CDK18: variants seen among roughly 807,000 people sequenced by gnomAD.
The protein encoded by CDK18 is cyclin-dependent kinase 18.
A neutral mutation model predicts 62.0 loss-of-function variants in CDK18; 52 were observed. That is an observed-to-expected ratio of 0.84 (90% CI 0.67 to 1.06). The LOEUF is 1.06. Among genes scored for constraint, CDK18 ranks in the 50% least tolerant of loss-of-function variants. CDK18 has a pLI of 0.00. For synonymous variants in CDK18, 237 were observed against 247.0 expected (o/e 0.96, Z 0.38); for missense variants, 604 against 619.9 (o/e 0.97, Z 0.27).
intron 3 of CDK18, 179 bp downstream of exon 3, chr1:205,523,804 T>A: frequency 3.8e-6 from 3 of 788,792 alleles, no homozygotes; most frequent in Non-Finnish European, 6.0e-6. Context: ...TCCTTGTCTT[T>A]AAAATGGTCA....
chr1:205,526,965 G>A (rs1668467842), intron 8 of CDK18, 128 bp downstream of exon 8: 1 of 737,284 alleles, frequency 1.4e-6, no homozygotes, highest in Admixed American at 2.1e-5. Flanking sequence ...GTAGGAAAGA[G>A]GGAGAGGGCA....
intron 1 of CDK18, among the ~76,000 whole-genome samples, chr1:205,507,155 C>T (rs1667346938): frequency 6.6e-6 from 1 of 152,196 alleles, no homozygotes. Flanking sequence ...TACCTGTCCT[C>T]TGATTCCTTC....
intron 1 of CDK18, among the ~76,000 whole-genome samples, chr1:205,506,902 G>A (rs1447063546): frequency 6.6e-6 from 1 of 152,240 alleles, no homozygotes; most frequent in Non-Finnish European, 1.5e-5. Flanking sequence ...GATCTCGTGG[G>A]ATCAGGTTGC....
chr1:205,522,202 T>A (rs1398969614), intron 1 of CDK18, among the ~76,000 whole-genome samples: 1 of 152,088 alleles, frequency 6.6e-6, no homozygotes, highest in Non-Finnish European at 1.5e-5. Context: ...ATCCTCTAAT[T>A]CAGAGGGCAC....
Position 205,530,781 on chromosome 1 carries a change from C to T in CDK18, c.1390+76C>T, listed in dbSNP as rs1668700346. 4.2e-6 allele frequency: 5 copies of T among 1,190,022 alleles called. No homozygotes were observed. The South Asian group carries it at 5.0e-5, about 12-fold the overall frequency. The allele number at this position is 1,190,022 out of a possible 1,614,324, so 73.7% of individuals were successfully genotyped here. The stretch of plus-strand genomic sequence containing the variant: ...GCAGGCGACCCCTCCCCAGTGGGGA[C>T]TCCCATGGTCCCCCCACCACTGGCT... On this transcript the variant is annotated intron_variant, in intron 15 of 15. Transcript: ENST00000429964.
At chr1:205,513,375 C>T (rs1667661055) in intron 1 of CDK18, among the ~76,000 whole-genome samples, 1 of 152,212 alleles carries the variant, frequency 6.6e-6, no homozygotes, top group African/African-American at 2.4e-5. Flanking sequence ...ACGCCCAGGA[C>T]CAGAACTGAC....
intron 3 of CDK18, among the ~76,000 whole-genome samples, chr1:205,524,011 T>A (rs1668285067): frequency 6.6e-6 from 1 of 151,982 alleles, no homozygotes; most frequent in Non-Finnish European, 1.5e-5. Flanking sequence ...AGGCAGAGAG[T>A]GACCTGGCTG....
At chr1:205,513,325 C>T (rs957764597) in intron 1 of CDK18, among the ~76,000 whole-genome samples, 1 of 152,152 alleles carries the variant, frequency 6.6e-6, no homozygotes, top group Non-Finnish European at 1.5e-5. Flanking sequence ...CTATCCTGGC[C>T]CTTGCCCCTT....
At chr1:205,518,495 T>A (rs1409779625) in intron 1 of CDK18, among the ~76,000 whole-genome samples, 1 of 151,942 alleles carries the variant, frequency 6.6e-6, no homozygotes, top group Non-Finnish European at 1.5e-5. Flanking sequence ...CAGTTCAGAG[T>A]AGGAGAAAAC....
rs573948567 is a variant in CDK18 at position 205,515,942 on chromosome 1, G to A, written c.-21-7205G>A. Among the ~76,000 whole-genome samples the A allele has an allele frequency of 1.1e-4, 17 of 152,292 alleles. No homozygotes were observed. The South Asian group carries it at 2.9e-3, about 26-fold the overall frequency. ...CTGTTTGTTGGCAGGGTGACTGCAGGCCTGGCTATCCTCATTTCTGGCCAC... is the reference window on the plus strand; with the variant it reads ...CTGTTTGTTGGCAGGGTGACTGCAGACCTGGCTATCCTCATTTCTGGCCAC... On this transcript the variant is annotated intron_variant, in intron 1 of 15. Transcript: ENST00000429964.
In CDK18 at chr1:205,527,724, C is replaced by T; in HGVS notation, c.730-70C>T. On this transcript the variant is annotated intron_variant, in intron 8 of 15. Coordinates refer to ENST00000429964, the MANE Select transcript of CDK18 (RefSeq NM_212502.3). The surrounding 1 kb of genome is among the most constrained non-coding windows in gnomAD (Gnocchi z 4.1). ...CTCACTGCCAAGCCCCTGCCCCCAT[C>T]CTGGTCCCAGCCTTGGAGCAGAGGC... 6.6e-7 allele frequency: 1 copy of T among 1,517,250 alleles called. No homozygotes were observed. Among genetic ancestry groups the T allele is most frequent in the South Asian group, 1.2e-5 (1 of 84,402 alleles). The allele number at this position is 1,517,250 out of a possible 1,614,324, so 94.0% of individuals were successfully genotyped here.
At position 205,528,975 on chromosome 1, in the gene CDK18, G is replaced by T. The variant is rs1299636460; in HGVS notation, c.975-24G>T. ...AGGGCGGCCGCCCCTGCCTGATGCC[G>T]ACCCTACCCCTTGCTCCTCGCAGGG... On this transcript the variant is annotated intron_variant, in intron 10 of 15. Transcript: ENST00000429964. This position sits in a 1 kb window ranked among gnomAD's most constrained non-coding sequence, Gnocchi z 4.2. 2.2e-5 allele frequency: 33 copies of T among 1,523,622 alleles called. No individual in the cohort carries two copies. Among genetic ancestry groups the T allele is most frequent in the Non-Finnish European group, 2.9e-5 (33 of 1,121,980 alleles). The allele number at this position is 1,523,622 out of a possible 1,614,324, so 94.4% of individuals were successfully genotyped here. A position where few individuals can be genotyped will look rare whatever the true frequency, so the allele number is the denominator to read the frequency against.
intron 1 of CDK18, among the ~76,000 whole-genome samples, chr1:205,506,632 G>A (rs543820381): frequency 1.3e-5 from 2 of 152,304 alleles, no homozygotes; most frequent in Admixed American, 6.5e-5. Flanking sequence ...ACTTTTCCAA[G>A]GTCACACAGA....
intron 1 of CDK18, among the ~76,000 whole-genome samples, chr1:205,512,772 G>A (rs1575048094): frequency 6.6e-6 from 1 of 152,226 alleles, no homozygotes; most frequent in African/African-American, 2.4e-5. Context: ...TGGGCACTGG[G>A]CGGCGTGGGC....
chr1:205,531,415 TCACATGGAGCA>T lies in CDK18; in HGVS notation c.*40_*50del. The T allele has an allele frequency of 6.2e-7, 1 of 1,600,012 alleles. No homozygotes were observed. The highest frequency in any genetic ancestry group is 1.1e-5 in the South Asian group (1 of 90,846). On this transcript the variant is annotated 3_prime_UTR_variant, in exon 16 of 16. Coordinates refer to ENST00000429964, the MANE Select transcript of CDK18 (RefSeq NM_212502.3). The stretch of plus-strand genomic sequence containing the variant: ...CTTGCTGTGGCCAAGGGACAAGAGA[TCACATGGAGCA>T]CAAATTCGGGTAGGATGGAGCCTGT...
At position 205,519,995 on chromosome 1, in the gene CDK18, G is replaced by A. The variant is rs913384905; in HGVS notation, c.-21-3152G>A. Among the ~76,000 whole-genome samples the A allele has an allele frequency of 1.8e-4, 27 of 152,120 alleles. 1 individual carries two copies. The highest frequency in any genetic ancestry group is 3.7e-4 in the Non-Finnish European group (25 of 68,030). On this transcript the variant is annotated intron_variant, in intron 1 of 15. Coordinates refer to ENST00000429964, the MANE Select transcript of CDK18 (RefSeq NM_212502.3). ...GGTGTGGCTGGTCTCCCTCCTGGCA[G>A]AGCTCAGACCTCAGGGAGCCAAGTG... is the stretch of plus-strand genomic sequence containing the variant.
At chr1:205,505,518 G>C (rs1197617657) in intron 1 of CDK18, among the ~76,000 whole-genome samples, 8 of 152,234 alleles carry the variant, frequency 5.3e-5, no homozygotes, top group Non-Finnish European at 1.2e-4. Context: ...AGAGGGAAAG[G>C]AGGCTGGGTG....
intron 1 of CDK18, among the ~76,000 whole-genome samples, chr1:205,518,910 G>A (rs1204120844): frequency 6.6e-6 from 1 of 152,204 alleles, no homozygotes; most frequent in Non-Finnish European, 1.5e-5. Context: ...ACCTGGGCAG[G>A]GAGGTGGGAG....
chr1:205,528,055 CAGGG>C lies in CDK18; in HGVS notation c.862_865del (p.Arg288ProfsTer14), dbSNP rs767224629. ...TGACATGTCTGCCCCCAGGACTGGC[CAGGG>C]CCAAGTCAGTGCCCACAAAGACTTA... On this transcript the variant is annotated frameshift_variant, in exon 10 of 16. Coordinates refer to ENST00000429964, the MANE Select transcript of CDK18 (RefSeq NM_212502.3). LOFTEE classifies it high-confidence loss of function. This position sits in a 1 kb window ranked among gnomAD's most constrained non-coding sequence, Gnocchi z 4.2. 3.7e-6 allele frequency: 6 copies of C among 1,614,172 alleles called. No homozygotes were observed. Among genetic ancestry groups the C allele is most frequent in the Non-Finnish European group, 5.1e-6 (6 of 1,180,012 alleles).
Sources: gnomAD v4.1 joint callset for allele counts (sites outside exome capture counted in the v4.1 genomes callset) on GRCh38, gnomAD v4.1.1 for gene constraint, Gnocchi (gnomAD v3.1) non-coding constraint, MANE v1.5 for transcripts, NCBI Gene and HGNC (gene_info 2026-07-23, HGNC 2026-07-21) for gene names.